The following LARGE1 variants were observed in gnomAD, a reference collection of about 807,000 sequenced individuals.
LARGE1 encodes xylosyl- and glucuronyltransferase LARGE1.
LARGE1 carries 43 observed loss-of-function variants against 87.6 expected under a neutral mutation model. The ratio of observed to expected loss-of-function variants is 0.49; its 90% confidence interval spans 0.38 to 0.63. The LOEUF (loss-of-function observed/expected upper bound fraction) is 0.63, where lower values mean the gene tolerates loss of function less well. LARGE1 is among the 30% of genes least tolerant of loss of function. The probability of loss-of-function intolerance (pLI) is 0.00; values close to 1 mark genes in which losing one functional copy is unlikely to be tolerated. For synonymous variants in LARGE1, 434 were observed against 394.6 expected, an observed-to-expected ratio of 1.10 and a Z score of -1.18; for missense variants, 802 against 1,000.2, an observed-to-expected ratio of 0.80 and a Z score of 2.67.
intron 6 of LARGE1, among the ~76,000 whole-genome samples, chr22:33,450,357 C>T (rs2067859842): frequency 6.6e-6 from 1 of 151,180 alleles, no homozygotes; most frequent in Non-Finnish European, 1.5e-5. Flanking sequence ...GAGGAGATCC[C>T]TTGGGAGGCC....
intron 1 of LARGE1, among the ~76,000 whole-genome samples, chr22:33,855,508 G>T (rs925472129): frequency 1.3e-5 from 2 of 152,072 alleles, no homozygotes; most frequent in African/African-American, 2.4e-5. Flanking sequence ...GGCCCATCAC[G>T]CCTCACCAGG....
intron 1 of LARGE1, among the ~76,000 whole-genome samples, chr22:33,779,953 G>A (rs937463594): frequency 6.9e-5 from 9 of 131,384 alleles, no homozygotes; most frequent in African/African-American, 2.2e-4. Flanking sequence ...AAATTGGGTG[G>A]CTTAAACAGC....
chr22:33,661,779 T>C (rs1385252770), intron 2 of LARGE1, among the ~76,000 whole-genome samples: 1 of 152,124 alleles, frequency 6.6e-6, no homozygotes, highest in Non-Finnish European at 1.5e-5. Flanking sequence ...ATGATGACCG[T>C]ACATCATGAG....
chr22:33,237,979 A>G (rs537396517), intron 11 of LARGE1, among the ~76,000 whole-genome samples: 1 of 152,328 alleles, frequency 6.6e-6, no homozygotes, highest in African/African-American at 2.4e-5. Context: ...GGTAACATAT[A>G]TGTAGTTTGT....
chr22:33,805,443 C>T (rs1010062353), intron 1 of LARGE1, among the ~76,000 whole-genome samples: 1 of 152,116 alleles, frequency 6.6e-6, no homozygotes, highest in African/African-American at 2.4e-5. Context: ...AGAGTAAAGA[C>T]TCAACCCTGG....
At chr22:33,086,787 G>A in the LARGE1 span, among the ~76,000 whole-genome samples, 2 of 152,104 alleles carry the variant, frequency 1.3e-5, no homozygotes, top group Admixed American at 6.6e-5. Flanking sequence ...TCCTGACCTT[G>A]TGATCAGCCT....
chr22:33,827,337 T>G (rs565694764), intron 1 of LARGE1, among the ~76,000 whole-genome samples: 4 of 152,106 alleles, frequency 2.6e-5, no homozygotes, highest in Admixed American at 2.6e-4. Flanking sequence ...ACTACTGTAC[T>G]CCAGCCTGGG....
chr22:33,401,261 A>C (rs2065917998), intron 7 of LARGE1, among the ~76,000 whole-genome samples: 1 of 152,072 alleles, frequency 6.6e-6, no homozygotes, highest in Non-Finnish European at 1.5e-5. Flanking sequence ...ATCCCCAGCA[A>C]CCTCAGAATG....
chr22:33,832,799 T>G (rs973867636), intron 1 of LARGE1, among the ~76,000 whole-genome samples: 5 of 152,184 alleles, frequency 3.3e-5, no homozygotes, highest in African/African-American at 1.2e-4. Flanking sequence ...GTCTGGCACA[T>G]GCAGTTAACT....
chr22:33,563,491 T>G (rs2077923353), intron 6 of LARGE1, among the ~76,000 whole-genome samples: 1 of 151,998 alleles, frequency 6.6e-6, no homozygotes, highest in South Asian at 2.1e-4. Context: ...TAAAACACCA[T>G]GTAATTATAG....
chr22:33,651,574 G>A (rs1032784131), intron 2 of LARGE1, among the ~76,000 whole-genome samples: 1 of 152,070 alleles, frequency 6.6e-6, no homozygotes, highest in African/African-American at 2.4e-5. Flanking sequence ...TGTATGTAGC[G>A]CTATGAAAAC....
intron 7 of LARGE1, among the ~76,000 whole-genome samples, chr22:33,394,745 A>ATG (rs2065666539): frequency 1.1e-5 from 1 of 93,872 alleles, no homozygotes; most frequent in African/African-American, 4.4e-5. Flanking sequence ...GTGTGTGTGT[A>ATG]TGTGTGTGTG....
intron 6 of LARGE1, among the ~76,000 whole-genome samples, chr22:33,476,424 G>C (rs752934107): frequency 6.6e-6 from 1 of 152,068 alleles, no homozygotes; most frequent in African/African-American, 2.4e-5. Flanking sequence ...CTACTACTTC[G>C]ACTTGTCCCT....
At chr22:33,442,684 T>A (rs953859952) in intron 6 of LARGE1, among the ~76,000 whole-genome samples, 1 of 152,140 alleles carries the variant, frequency 6.6e-6, no homozygotes, top group African/African-American at 2.4e-5. Context: ...GTTCTTCTTT[T>A]ACTTGTGCTG....
At chr22:33,350,554 G>T (rs913807339) in intron 9 of LARGE1, among the ~76,000 whole-genome samples, 2 of 152,152 alleles carry the variant, frequency 1.3e-5, no homozygotes, top group Admixed American at 6.5e-5. Context: ...TTTGACCAAG[G>T]TGGGTGGAGG....
At chr22:33,440,326 C>T (rs149237173) in intron 6 of LARGE1, among the ~76,000 whole-genome samples, 1 of 152,156 alleles carries the variant, frequency 6.6e-6, no homozygotes, top group African/African-American at 2.4e-5. Flanking sequence ...CAGGTAAACA[C>T]CAGGAACAGG....
intron 13 of LARGE1, 95 bp from the exon 14 acceptor site, chr22:33,277,350 T>C (rs1929529382): frequency 2.5e-6 from 3 of 1,192,980 alleles, no homozygotes; most frequent in Admixed American, 2.0e-5. Context: ...TACACTGATG[T>C]AGTCCTCGGG....
At chr22:33,620,577 A>G (rs2079717854) in intron 4 of LARGE1, among the ~76,000 whole-genome samples, 1 of 152,152 alleles carries the variant, frequency 6.6e-6, no homozygotes, top group Non-Finnish European at 1.5e-5. Context: ...CTTCTTCACC[A>G]TAGAGGTTGC....
At chr22:33,662,456 G>A (rs555233572) in intron 2 of LARGE1, among the ~76,000 whole-genome samples, 3 of 152,080 alleles carry the variant, frequency 2.0e-5, no homozygotes, top group Admixed American at 1.3e-4. Context: ...ACAAATCACC[G>A]CCCTTCATCC....
Sources: gnomAD v4.1 joint callset for allele counts (sites outside exome capture counted in the v4.1 genomes callset) on GRCh38, gnomAD v4.1.1 for gene constraint, MANE v1.5 for transcripts, NCBI Gene and HGNC (gene_info 2026-07-23, HGNC 2026-07-21) for gene names.